RBM18: variants seen among roughly 807,000 people sequenced by gnomAD.
The protein encoded by RBM18 is RNA binding motif protein 18, also known as probable RNA-binding protein 18.
RBM18 carries 18 observed loss-of-function variants against 26.4 expected under a neutral mutation model. The observed-to-expected ratio is 0.68, with a 90% CI of 0.47 to 1.01. RBM18 has a LOEUF of 1.01. Among genes scored for constraint, RBM18 ranks in the 50% least tolerant of loss-of-function variants. The pLI is 0.00. For synonymous variants in RBM18, 74 were observed against 81.1 expected, an observed-to-expected ratio of 0.91 and a Z score of 0.47; for missense variants, 180 against 219.2, an observed-to-expected ratio of 0.82 and a Z score of 1.13.
At chr9:122,256,469 C>A (rs560380913) in intron 2 of RBM18, among the ~76,000 whole-genome samples, 217 of 152,262 alleles carry the variant, frequency 1.4e-3, no homozygotes, top group Non-Finnish European at 2.8e-3. Context: ...GGTATTATCC[C>A]TTTTAGAAAG....
In RBM18 at chr9:122,247,442, C is replaced by T. The variant is rs539815794; in HGVS notation, c.327+76G>A. 2.3e-4 allele frequency: 277 copies of T among 1,225,522 alleles called. 4 individuals carry two copies. The Admixed American group carries it at 4.5e-3, about 20-fold the overall frequency. The allele number at this position is 1,225,522 out of a possible 1,614,324, so 75.9% of individuals were successfully genotyped here. On this transcript the variant is annotated intron_variant, in intron 4 of 5. Coordinates refer to ENST00000417201, the MANE Select transcript of RBM18 (RefSeq NM_033117.4). ...AGGTGTGAAGAGATTGGGACATAAA[C>T]GGGTAAGTGGACAACCATCTTTCAG...
chr9:122,250,107 C>T (rs899507083), intron 3 of RBM18, among the ~76,000 whole-genome samples: 2 of 144,374 alleles, frequency 1.4e-5, no homozygotes, highest in African/African-American at 5.1e-5. Context: ...TTCTATATTG[C>T]ATTATTTCAC....
At chr9:122,242,353 T>C (rs1186101647) in intron 5 of RBM18, among the ~76,000 whole-genome samples, 2 of 152,230 alleles carry the variant, frequency 1.3e-5, no homozygotes, top group Non-Finnish European at 1.5e-5. Context: ...GAGTAGGTAC[T>C]AAAAATAATT....
intron 1 of RBM18, among the ~76,000 whole-genome samples, chr9:122,262,359 G>A (rs757582445): frequency 3.3e-5 from 5 of 152,186 alleles, no homozygotes; most frequent in African/African-American, 7.2e-5. Context: ...AAATTACAGT[G>A]CAGATTCACT....
At chr9:122,261,216 A>G (rs746192865) in intron 2 of RBM18, among the ~76,000 whole-genome samples, 164 bp downstream of exon 2, 7 of 152,166 alleles carry the variant, frequency 4.6e-5, no homozygotes, top group Non-Finnish European at 1.0e-4. Context: ...CCAAATGTAA[A>G]AAAAGTGACA....
rs1831399563 is a variant in RBM18, at chr9:122,240,499, T to A, written c.*1385A>T. 1 of 152,234 alleles carries A rather than the reference T, an allele frequency of 6.6e-6. No individual in the cohort carries two copies. Among genetic ancestry groups the A allele is most frequent in the Non-Finnish European group, 1.5e-5 (1 of 68,032 alleles). The allele number at this position is 152,234 out of a possible 1,614,324, so 9.4% of individuals were successfully genotyped here. A position where few individuals can be genotyped will look rare whatever the true frequency, so the allele number is the denominator to read the frequency against. On this transcript the variant is annotated 3_prime_UTR_variant, in exon 6 of 6. Coordinates refer to ENST00000417201, the MANE Select transcript of RBM18 (RefSeq NM_033117.4). ...TTTATACTCATGGGAAGATGTTAAG[T>A]TCCTATATTGAAAGCTTCCTCTTGC...
intron 3 of RBM18, among the ~76,000 whole-genome samples, chr9:122,249,315 T>TC (rs1831559409): frequency 6.6e-6 from 1 of 152,138 alleles, no homozygotes; most frequent in African/African-American, 2.4e-5. Flanking sequence ...TTGCTCAAAG[T>TC]TAATAAATAA....
intron 2 of RBM18, among the ~76,000 whole-genome samples, chr9:122,260,095 C>G (rs954353858): frequency 1.3e-5 from 2 of 152,088 alleles, no homozygotes; most frequent in Non-Finnish European, 2.9e-5. Context: ...GTCTGTAATC[C>G]CAGCACTTTG....
chr9:122,249,741 C>T (rs1384113761), intron 3 of RBM18, among the ~76,000 whole-genome samples: 1 of 151,338 alleles, frequency 6.6e-6, no homozygotes, highest in East Asian at 1.9e-4. Flanking sequence ...AGAATTCTCA[C>T]CACACTTCAT....
chr9:122,263,685 T>C (rs1258504829), intron 1 of RBM18, among the ~76,000 whole-genome samples: 3 of 152,038 alleles, frequency 2.0e-5, no homozygotes, highest in Non-Finnish European at 4.4e-5. Flanking sequence ...ATAGATTGAG[T>C]GGAGGGAAGG....
chr9:122,253,258 A>G (rs1831635028), intron 2 of RBM18, among the ~76,000 whole-genome samples: 1 of 152,194 alleles, frequency 6.6e-6, no homozygotes, highest in South Asian at 2.1e-4. Flanking sequence ...TGGACCATAC[A>G]CTATACTAAA....
intron 2 of RBM18, chr9:122,254,206 A>C (rs753626756): frequency 7.7e-6 from 2 of 258,778 alleles, no homozygotes; most frequent in Non-Finnish European, 6.0e-6. Context: ...GAAAAAAAAA[A>C]ACACACACAC....
At chr9:122,251,239 T>C (rs781615595) in intron 3 of RBM18, among the ~76,000 whole-genome samples, 3 of 152,194 alleles carry the variant, frequency 2.0e-5, no homozygotes, top group Non-Finnish European at 4.4e-5. Flanking sequence ...TTCTTACATA[T>C]GATGAATAAA....
At chr9:122,245,174 C>G in intron 5 of RBM18, 82 bp downstream of exon 5, 1 of 812,256 alleles carries the variant, frequency 1.2e-6, no homozygotes, top group Non-Finnish European at 2.1e-6. Context: ...TGAAGACTCA[C>G]TATTTTATGA....
intron 2 of RBM18, among the ~76,000 whole-genome samples, chr9:122,254,855 G>A (rs1461914124): frequency 1.4e-4 from 21 of 152,138 alleles, no homozygotes; most frequent in African/African-American, 4.8e-4. Flanking sequence ...GGATGAATAC[G>A]AGCACACAGA....
rs1831638633 is a variant in RBM18, at chr9:122,253,498, G to A, written c.114-1525C>T. Among the ~76,000 whole-genome samples, 5 of 152,104 alleles carry A rather than the reference G, an allele frequency of 3.3e-5. No homozygotes were observed. In the South Asian group the frequency reaches 1.0e-3, roughly 32 times the overall value. The stretch of plus-strand genomic sequence containing the variant: ...ACCTCAACCACTAGAGAGAATGTAG[G>A]AAGTGACTTCAGGGGAAACGAAGAC... On this transcript the variant is annotated intron_variant, in intron 2 of 5. Coordinates refer to ENST00000417201, the MANE Select transcript of RBM18 (RefSeq NM_033117.4).
chr9:122,245,690 T>C (rs931822302), intron 4 of RBM18, among the ~76,000 whole-genome samples: 9 of 152,046 alleles, frequency 5.9e-5, no homozygotes, highest in Admixed American at 1.3e-4. Flanking sequence ...AAAAATACTT[T>C]AAACTGGCCA....
At chr9:122,244,529 T>A (rs182360464) in intron 5 of RBM18, among the ~76,000 whole-genome samples, 59 of 152,344 alleles carry the variant, frequency 3.9e-4, no homozygotes, top group African/African-American at 1.4e-3. Context: ...CTGAGTGTTA[T>A]TTGCCATCTG....
intron 2 of RBM18, among the ~76,000 whole-genome samples, chr9:122,260,405 C>T (rs1211658342): frequency 6.6e-6 from 1 of 152,146 alleles, no homozygotes; most frequent in Non-Finnish European, 1.5e-5. Flanking sequence ...TGACCTCATA[C>T]AGGCCAATCC....
Sources: gnomAD v4.1 joint callset for allele counts (sites outside exome capture counted in the v4.1 genomes callset) on GRCh38, gnomAD v4.1.1 for gene constraint, MANE v1.5 for transcripts, NCBI Gene and HGNC (gene_info 2026-07-23, HGNC 2026-07-21) for gene names.